KANK2: variants seen among roughly 807,000 people sequenced by gnomAD.
KANK2 encodes the protein KN motif and ankyrin repeat domain-containing protein 2.
KANK2 carries 41 observed loss-of-function variants against 74.6 expected under a neutral mutation model. The ratio of observed to expected loss-of-function variants is 0.55; its 90% CI spans 0.43 to 0.71. The LOEUF is 0.71. KANK2 is among the 30% of genes least tolerant of loss of function. KANK2 has a pLI of 0.00. For synonymous variants in KANK2, 537 were observed against 519.0 expected, an observed-to-expected ratio of 1.03 and a Z score of -0.47; for missense variants, 1,148 against 1,196.4, an observed-to-expected ratio of 0.96 and a Z score of 0.60.
In KANK2 at chr19:11,170,154, T is replaced by A. The variant is rs764620850; in HGVS notation, c.2306A>T (p.Asp769Val). ...LACEADVNVQ[D>V]DDGSTALMCA... ...CATGAGGGCCGTGGAGCCGTCATCA[T>A]CTTGCACGTTGACATCTGCCTCACA... The change falls in exon 11 of 13, where the codon GAT (aspartate) becomes GTT (valine). Residue 769 changes from aspartate (D) to valine (V), a missense_variant. Asp to Val is a radical substitution (Grantham distance 152). Coordinates refer to ENST00000586659, the MANE Select transcript of KANK2 (RefSeq NM_001136191.3). This position sits in a 1 kb window ranked among gnomAD's most constrained non-coding sequence, Gnocchi z 5.2. 6.2e-7 allele frequency: 1 copy of A among 1,612,266 alleles called. No homozygotes were observed. The highest frequency in any genetic ancestry group is 2.2e-5 in the East Asian group (1 of 44,894).
At chr19:11,185,511 T>C (rs1025859278) in intron 4 of KANK2, among the ~76,000 whole-genome samples, 10 of 146,592 alleles carry the variant, frequency 6.8e-5, no homozygotes, top group African/African-American at 2.5e-4. Flanking sequence ...ATTCAACCAT[T>C]AAAAAAAAAC....
chr19:11,167,687 C>A (rs1328738607), intron 12 of KANK2, among the ~76,000 whole-genome samples: 2 of 151,948 alleles, frequency 1.3e-5, no homozygotes, highest in African/African-American at 4.8e-5. Flanking sequence ...ACCACCACAC[C>A]CAGCTAATTT....
At position 11,176,633 on chromosome 19, in the gene KANK2, G is replaced by C; in HGVS notation, c.1705C>G (p.Gln569Glu). 3.1e-6 allele frequency: 5 copies of C among 1,613,116 alleles called. No individual in the cohort carries two copies. The highest frequency in any genetic ancestry group is 4.2e-6 in the Non-Finnish European group (5 of 1,179,602). The change falls in exon 7 of 13, where the codon CAG (glutamine) becomes GAG (glutamate). Residue 569 changes from glutamine to glutamate, a missense_variant. Gln to Glu is a conservative substitution (Grantham distance 29). Coordinates refer to ENST00000586659, the MANE Select transcript of KANK2 (RefSeq NM_001136191.3). ...RQECQLSRES[Q>E]HIPTAEGASG... ...GCCCCCTCAGCAGTGGGTATGTGCTGAGATTCTCGAGACAGCTGACACTCC... is the reference window on the plus strand; with the variant it reads ...GCCCCCTCAGCAGTGGGTATGTGCTCAGATTCTCGAGACAGCTGACACTCC...
At chr19:11,174,765 G>T in intron 8 of KANK2, 73 bp from the exon 9 acceptor site, 2 of 1,223,264 alleles carry the variant, frequency 1.6e-6, no homozygotes, top group African/African-American at 1.5e-5. Flanking sequence ...CCCCAGATGC[G>T]CCCCCGGAGC....
chr19:11,188,071 A>C (rs2078727037), intron 4 of KANK2, among the ~76,000 whole-genome samples: 1 of 152,194 alleles, frequency 6.6e-6, no homozygotes, highest in Admixed American at 6.5e-5. Context: ...TTAGCATTGA[A>C]GGTTGAAGGT....
chr19:11,186,158 C>T (rs920814659), intron 4 of KANK2, among the ~76,000 whole-genome samples: 2 of 152,104 alleles, frequency 1.3e-5, no homozygotes, highest in African/African-American at 2.4e-5. Flanking sequence ...GAGGCCAAGG[C>T]GGGTGGATCA....
At chr19:11,177,323 GT>G (rs2078374235) in intron 6 of KANK2, among the ~76,000 whole-genome samples, 1 of 150,960 alleles carries the variant, frequency 6.6e-6, no homozygotes, top group East Asian at 1.9e-4. Context: ...CTCGAACTGG[GT>G]TTACAGGTGT....
chr19:11,172,294 A>C (rs191897339), intron 10 of KANK2, among the ~76,000 whole-genome samples: 2 of 152,284 alleles, frequency 1.3e-5, no homozygotes, highest in East Asian at 3.9e-4. Context: ...TTTGAAAATG[A>C]AGCCACTAAA....
At chr19:11,194,184 C>T (rs907342449) in intron 3 of KANK2, 142 bp from the exon 4 acceptor site, 1 of 901,770 alleles carries the variant, frequency 1.1e-6, no homozygotes, top group Non-Finnish European at 1.6e-6. Context: ...GCTCTCAGAC[C>T]CTCCAGAGCA....
At position 11,175,987 on chromosome 19, in the gene KANK2, A is replaced by C; in HGVS notation, c.1763T>G (p.Met588Arg). The C allele has an allele frequency of 6.2e-7, 1 of 1,612,860 alleles. No individual in the cohort carries two copies. The highest frequency in any genetic ancestry group is 8.5e-7 in the Non-Finnish European group (1 of 1,179,228). Residue 588 changes from methionine to arginine, a missense_variant and splice_region_variant, in exon 8 of 13, where the codon ATG (methionine) becomes AGG (arginine). Transcript: ENST00000586659. The stretch of plus-strand genomic sequence containing the variant: ...TGAGATGAGGTCAGGGCTTAGCTCC[A>C]TCCTGCCAGGAACAGACAAAGCGGG... ...SGSNTEEEIRMELSPDLISAC... is the reference protein window; with the variant it reads ...SGSNTEEEIRRELSPDLISAC...
chr19:11,192,598 G>A (rs2078877908), intron 4 of KANK2: 2 of 481,230 alleles, frequency 4.2e-6, no homozygotes, highest in East Asian at 9.0e-5. Context: ...ACCACACCTG[G>A]CTAATTTTTG....
In KANK2 at chr19:11,194,463, G is replaced by A. The variant is rs1295296510; in HGVS notation, c.37+12C>T. 1.2e-6 allele frequency: 2 copies of A among 1,609,420 alleles called. No individual in the cohort carries two copies. The highest frequency in any genetic ancestry group is 2.2e-5 in the South Asian group (2 of 91,018). Reference sequence around the variant, plus strand: ...TCCCCGGGGCAGGGCCCTCTTCCCTGAGTCCCCTGACCTGGGAAGGGAGCA... The same window carrying A: ...TCCCCGGGGCAGGGCCCTCTTCCCTAAGTCCCCTGACCTGGGAAGGGAGCA... On this transcript the variant is annotated intron_variant, in intron 3 of 12. Coordinates refer to ENST00000586659, the MANE Select transcript of KANK2 (RefSeq NM_001136191.3).
At chr19:11,171,264 G>C (rs934583718) in intron 10 of KANK2, among the ~76,000 whole-genome samples, 2 of 151,840 alleles carry the variant, frequency 1.3e-5, no homozygotes, top group Non-Finnish European at 2.9e-5. Context: ...ATACAGCCTG[G>C]ACAACTTGGC....
At position 11,164,487 on chromosome 19, in the gene KANK2, T is replaced by C. The variant is rs965538740; in HGVS notation, c.*2071A>G. 1 of 152,024 alleles carries C rather than the reference T, an allele frequency of 6.6e-6. No homozygotes were observed. The highest frequency in any genetic ancestry group is 6.6e-5 in the Admixed American group (1 of 15,232). The allele number at this position is 152,024 out of a possible 1,614,324, so 9.4% of individuals were successfully genotyped here. A position where few individuals can be genotyped will look rare whatever the true frequency, so the allele number is the denominator to read the frequency against. On this transcript the variant is annotated 3_prime_UTR_variant, in exon 13 of 13. Coordinates refer to ENST00000586659, the MANE Select transcript of KANK2 (RefSeq NM_001136191.3). ...AAGTGTAGAGAGATGCGTGGACCCA[T>C]CTCAGGGGTCACGCATTCCTGGGCC...
At position 11,170,370 on chromosome 19, in the gene KANK2, TCTC is replaced by T. The variant is rs1179669549; in HGVS notation, c.2212-125_2212-123del. On this transcript the variant is annotated intron_variant, in intron 10 of 12. Transcript: ENST00000586659. The surrounding 1 kb of genome is among the most constrained non-coding windows in gnomAD (Gnocchi z 5.2). Reference sequence around the variant, plus strand: ...GTGAAATGTACCCTCAACTTGCTGATCTCCTCCTGAATCTCAAACAACCCTCCC... The same window carrying T: ...GTGAAATGTACCCTCAACTTGCTGATCTCCTGAATCTCAAACAACCCTCCC... 14 of 727,862 alleles carry T rather than the reference TCTC, an allele frequency of 1.9e-5. No homozygotes were observed. The highest frequency in any genetic ancestry group is 3.5e-5 in the African/African-American group (2 of 56,938). The allele number at this position is 727,862 out of a possible 1,614,324, so 45.1% of individuals were successfully genotyped here. A position where few individuals can be genotyped will look rare whatever the true frequency, so the allele number is the denominator to read the frequency against.
Position 11,172,999 on chromosome 19 carries a change from G to C in KANK2, c.2193C>G (p.Ile731Met), listed in dbSNP as rs1460754163. 1.2e-6 allele frequency: 2 copies of C among 1,613,868 alleles called. No homozygotes were observed. Among genetic ancestry groups the C allele is most frequent in the Admixed American group, 3.3e-5 (2 of 59,982 alleles). Residue 731 changes from isoleucine (I) to methionine (M), a missense_variant, in exon 10 of 13, where the codon ATC (isoleucine) becomes ATG (methionine). Ile to Met is a conservative substitution (Grantham distance 10). Transcript: ENST00000586659. ...CCCATACCTGGCTGGCTTTGGCATT[G>C]ATGTTGCCAAGCCGGAAGAGCTGAA... is the stretch of plus-strand genomic sequence containing the variant. ...TVLQLFRLGN[I>M]NAKASQAGQT... is the part of the protein sequence containing the mutation.
chr19:11,180,230 A>T (rs2078474871), intron 4 of KANK2, among the ~76,000 whole-genome samples: 1 of 152,098 alleles, frequency 6.6e-6, no homozygotes, highest in Non-Finnish European at 1.5e-5. Context: ...AGACCAATTA[A>T]TTTGAATTCC....
chr19:11,169,427 G>A (rs2078110286), intron 12 of KANK2, among the ~76,000 whole-genome samples: 2 of 152,156 alleles, frequency 1.3e-5, no homozygotes, highest in Admixed American at 1.3e-4. Flanking sequence ...AGGATCACTT[G>A]AGCCCAGGAA....
Position 11,193,753 on chromosome 19 carries a change from A to G in KANK2, c.327T>C (p.Pro109=), listed in dbSNP as rs771502973. 12 of 1,612,374 alleles carry G rather than the reference A, an allele frequency of 7.4e-6. No homozygotes were observed. Among genetic ancestry groups the G allele is most frequent in the Non-Finnish European group, 1.0e-5 (12 of 1,179,692 alleles). The change falls in exon 4 of 13, where the codon CCT becomes CCC. Residue 109 remains proline (P), a synonymous_variant. Transcript: ENST00000586659. This position sits in a 1 kb window ranked among gnomAD's most constrained non-coding sequence, Gnocchi z 9.6. ...CGCGGGTCTCCAGAGCACCATACTG[A>G]GGGTAGAAGCCACGGCCGCAGTAGG... is the stretch of plus-strand genomic sequence containing the variant. The part of the protein sequence containing the change: ...AYSYCGRGFY[P]QYGALETRGG...
Sources: allele counts gnomAD v4.1 joint callset (sites outside exome capture counted in the v4.1 genomes callset), GRCh38; gene constraint gnomAD v4.1.1; non-coding constraint Gnocchi (gnomAD v3.1); transcripts MANE v1.5; gene names NCBI Gene and HGNC (gene_info 2026-07-23, HGNC 2026-07-21).